GNB4: variants seen among roughly 807,000 people sequenced by gnomAD.
The protein encoded by GNB4 is G protein subunit beta 4, also known as guanine nucleotide-binding protein subunit beta-4.
GNB4 carries 28 observed loss-of-function variants against 45.2 expected under a neutral mutation model. That is an observed-to-expected ratio of 0.62 (90% CI 0.46 to 0.85). The LOEUF (loss-of-function observed/expected upper bound fraction) is 0.85. Among genes scored for constraint, GNB4 ranks in the 40% least tolerant of loss-of-function variants. The pLI, the probability that GNB4 is intolerant of heterozygous loss-of-function variation, is 0.00. For missense variants in GNB4, 321 were observed against 425.4 expected (o/e 0.75, Z 2.16); for synonymous variants, 132 against 143.7 (o/e 0.92, Z 0.58).
intron 1 of GNB4, among the ~76,000 whole-genome samples, chr3:179,440,181 A>T (rs1420971338): frequency 6.6e-6 from 1 of 152,226 alleles, no homozygotes; most frequent in Non-Finnish European, 1.5e-5. Flanking sequence ...CTTGAGGGAA[A>T]CAATTCCTCA....
chr3:179,504,381 T>C, the GNB4 span, among the ~76,000 whole-genome samples: 4 of 152,230 alleles, frequency 2.6e-5, no homozygotes, highest in Non-Finnish European at 5.9e-5. Context: ...CAAAAGGACA[T>C]GCTGATCCAG....
chr3:179,409,524 A>C lies in GNB4; in HGVS notation c.699+3888T>G, dbSNP rs1467621602. Among the ~76,000 whole-genome samples, 36 of 99,688 alleles carry C rather than the reference A, an allele frequency of 3.6e-4. 1 individual carries two copies. Among genetic ancestry groups the C allele is most frequent in the East Asian group, 3.3e-4 (1 of 3,036 alleles). The allele number at this position is 99,688 out of a possible 152,430, so 65.4% of individuals were successfully genotyped here. ...AGAAACTCCATCTCAAAAACAAAAAAAAAAAGGCCAGGGGCTGTGACTCAC... is the reference window on the plus strand; with the variant it reads ...AGAAACTCCATCTCAAAAACAAAAACAAAAAGGCCAGGGGCTGTGACTCAC... On this transcript the variant is annotated intron_variant, in intron 8 of 9. Transcript: ENST00000232564.
intron 2 of GNB4, among the ~76,000 whole-genome samples, chr3:179,421,973 A>G (rs1456226827): frequency 2.6e-5 from 4 of 152,190 alleles, no homozygotes; most frequent in Non-Finnish European, 4.4e-5. Flanking sequence ...TTCTTAAAAA[A>G]GGTTCTTTGA....
intron 2 of GNB4, among the ~76,000 whole-genome samples, chr3:179,424,313 G>A (rs1313971901): frequency 2.0e-5 from 3 of 152,206 alleles, no homozygotes; most frequent in Non-Finnish European, 4.4e-5. Flanking sequence ...AGTAGAGAGG[G>A]CAGAAATTCC....
the GNB4 span, among the ~76,000 whole-genome samples, chr3:179,460,844 C>T: frequency 2.5e-3 from 374 of 152,044 alleles, 1 homozygote; most frequent in Non-Finnish European, 3.8e-3. Context: ...TTTATTTTTA[C>T]AAAAGCTTAT....
rs141452136 is a variant in GNB4 at position 179,396,619 on chromosome 3, C to G, written c.*4594G>C. ...AGTTGGAATATAGCTTTTTCCCCCC[C>G]GTAATGCTGCTTTATCACAACTGTA... is the stretch of plus-strand genomic sequence containing the variant. On this transcript the variant is annotated 3_prime_UTR_variant, in exon 10 of 10. Coordinates refer to ENST00000232564, the MANE Select transcript of GNB4 (RefSeq NM_021629.4). The G allele has an allele frequency of 6.6e-6, 1 of 152,096 alleles. No individual in the cohort carries two copies. Among genetic ancestry groups the G allele is most frequent in the African/African-American group, 2.4e-5 (1 of 41,426 alleles). The allele number at this position is 152,096 out of a possible 1,614,324, so 9.4% of individuals were successfully genotyped here. A position where few individuals can be genotyped will look rare whatever the true frequency, so the allele number is the denominator to read the frequency against.
At chr3:179,467,411 C>A in the GNB4 span, among the ~76,000 whole-genome samples, 10 of 152,076 alleles carry the variant, frequency 6.6e-5, no homozygotes, top group Non-Finnish European at 2.9e-5. Flanking sequence ...GGAAGTATAC[C>A]TTGGAAGGGA....
the GNB4 span, among the ~76,000 whole-genome samples, chr3:179,521,612 C>T: frequency 6.6e-6 from 1 of 152,312 alleles, no homozygotes; most frequent in South Asian, 2.1e-4. Context: ...CACTGTTTCT[C>T]CAAGCCATCA....
At chr3:179,505,943 C>T in the GNB4 span, among the ~76,000 whole-genome samples, 1 of 152,144 alleles carries the variant, frequency 6.6e-6, no homozygotes, top group Non-Finnish European at 1.5e-5. Context: ...ACTGAGATTT[C>T]GAGGGTGTTT....
chr3:179,468,927 C>G, the GNB4 span, among the ~76,000 whole-genome samples: 1 of 152,256 alleles, frequency 6.6e-6, no homozygotes, highest in African/African-American at 2.4e-5. Context: ...CTCTCTGAAG[C>G]CTGCTACCTG....
rs1187220212 is a variant in GNB4, at chr3:179,413,607, T to C, written c.504A>G (p.Leu168=). ...TCTGCTGGGCAGTTTCGATGTCCCA[T>C]AAAGCACTGTAATTAAAAACAAAAT... The part of the protein sequence containing the change: ...VTSSGDTTCA[L]WDIETAQQTT... Residue 168 remains leucine, a synonymous_variant, in exon 8 of 10, where the codon TTA becomes TTG. Coordinates refer to ENST00000232564, the MANE Select transcript of GNB4 (RefSeq NM_021629.4). 2.5e-6 allele frequency: 4 copies of C among 1,614,106 alleles called. No individual in the cohort carries two copies. Among genetic ancestry groups the C allele is most frequent in the South Asian group, 1.1e-5 (1 of 91,088 alleles).
the GNB4 span, among the ~76,000 whole-genome samples, chr3:179,480,888 G>A: frequency 8.3e-6 from 1 of 120,648 alleles, no homozygotes; most frequent in East Asian, 2.4e-4. Context: ...GTCTTGCTCT[G>A]TCACCCAGGC....
chr3:179,401,338 A>C lies in GNB4; in HGVS notation c.917-19T>G. ...AGGACACCTGAAAAAAAAATTCAGTAAAAAATTGGCAATTGTAGGGTTTTA... is the reference window on the plus strand; with the variant it reads ...AGGACACCTGAAAAAAAAATTCAGTCAAAAATTGGCAATTGTAGGGTTTTA... On this transcript the variant is annotated intron_variant, in intron 9 of 9. Transcript: ENST00000232564. 3 of 1,578,948 alleles carry C rather than the reference A, an allele frequency of 1.9e-6. No homozygotes were observed. The highest frequency in any genetic ancestry group is 2.6e-6 in the Non-Finnish European group (3 of 1,152,410).
the GNB4 span, among the ~76,000 whole-genome samples, chr3:179,465,726 CTTAT>C: frequency 6.6e-6 from 1 of 151,542 alleles, no homozygotes; most frequent in Admixed American, 6.6e-5. Flanking sequence ...GAGTTTTTTT[CTTAT>C]TTAATCAATG....
chr3:179,440,669 G>A (rs1715570628), intron 1 of GNB4, among the ~76,000 whole-genome samples: 1 of 152,128 alleles, frequency 6.6e-6, no homozygotes, highest in Admixed American at 6.5e-5. Flanking sequence ...ATAATTAGGG[G>A]TTATGACATT....
chr3:179,444,557 A>C (rs552914335), intron 1 of GNB4, among the ~76,000 whole-genome samples: 1 of 152,074 alleles, frequency 6.6e-6, no homozygotes, highest in Admixed American at 6.6e-5. Flanking sequence ...CCATTTAAAT[A>C]CACAGTTTCA....
the GNB4 span, among the ~76,000 whole-genome samples, chr3:179,480,664 CCA>C: frequency 6.6e-6 from 1 of 152,014 alleles, no homozygotes; most frequent in African/African-American, 2.4e-5. Flanking sequence ...TTATCCATGT[CCA>C]CATTGATAAG....
At chr3:179,440,321 T>C (rs1715563408) in intron 1 of GNB4, among the ~76,000 whole-genome samples, 3 of 152,096 alleles carry the variant, frequency 2.0e-5, no homozygotes, top group African/African-American at 7.3e-5. Flanking sequence ...GCTGTCTTCT[T>C]TTATCTTGAA....
chr3:179,449,558 G>T (rs1402484624), intron 1 of GNB4, among the ~76,000 whole-genome samples: 1 of 152,222 alleles, frequency 6.6e-6, no homozygotes, highest in East Asian at 1.9e-4. Context: ...TCGAATCCCA[G>T]TTGAGTTACC....
Sources: allele counts gnomAD v4.1 joint callset (sites outside exome capture counted in the v4.1 genomes callset), GRCh38; gene constraint gnomAD v4.1.1; transcripts MANE v1.5; gene names NCBI Gene and HGNC (gene_info 2026-07-23, HGNC 2026-07-21).